Variants in PTPRM observed in about 807,000 individuals in gnomAD.
PTPRM encodes receptor-type tyrosine-protein phosphatase mu.
PTPRM carries 47 observed loss-of-function variants against 186.7 expected under a neutral mutation model. That is an observed-to-expected ratio of 0.25 (90% confidence interval 0.20 to 0.32). The LOEUF (loss-of-function observed/expected upper bound fraction) is 0.32. PTPRM is among the 10% of genes least tolerant of loss of function. The pLI, the probability that PTPRM is intolerant of heterozygous loss-of-function variation, is 1.00. For synonymous variants in PTPRM, 668 were observed against 674.9 expected (o/e 0.99, Z 0.16); for missense variants, 1,494 against 1,865.0 (o/e 0.80, Z 3.66).
intron 2 of PTPRM, among the ~76,000 whole-genome samples, chr18:7,870,217 G>A (rs548454349): frequency 6.6e-6 from 1 of 152,224 alleles, no homozygotes; most frequent in East Asian, 1.9e-4. Flanking sequence ...GTAAGTTAAG[G>A]CCATGTTGAA....
intron 4 of PTPRM, among the ~76,000 whole-genome samples, chr18:7,917,178 T>C (rs1312929712): frequency 6.6e-6 from 1 of 152,210 alleles, no homozygotes; most frequent in African/African-American, 2.4e-5. Flanking sequence ...TGAATTGTTA[T>C]AAGCTTTTAT....
intron 1 of PTPRM, among the ~76,000 whole-genome samples, chr18:7,761,132 G>C (rs770611888): frequency 7.9e-5 from 12 of 152,150 alleles, no homozygotes; most frequent in Non-Finnish European, 1.8e-4. Context: ...CAACTAATTG[G>C]TCATGGAAAA....
chr18:7,651,214 C>T (rs549153491), intron 1 of PTPRM, among the ~76,000 whole-genome samples: 12 of 152,168 alleles, frequency 7.9e-5, no homozygotes, highest in East Asian at 3.9e-4. Flanking sequence ...TTAGCCACCG[C>T]GCCTGACCAA....
chr18:8,372,302 C>T (rs2095668225), intron 24 of PTPRM, among the ~76,000 whole-genome samples: 1 of 143,654 alleles, frequency 7.0e-6, no homozygotes, highest in African/African-American at 2.7e-5. Flanking sequence ...TCTCGATCTC[C>T]TGACCTCATG....
intron 13 of PTPRM, among the ~76,000 whole-genome samples, chr18:8,136,952 T>A (rs1424938574): frequency 1.3e-5 from 2 of 152,212 alleles, no homozygotes; most frequent in East Asian, 3.8e-4. Flanking sequence ...AAAGGAAAAT[T>A]AATTAAAATA....
At chr18:8,011,657 G>C (rs557056578) in intron 7 of PTPRM, among the ~76,000 whole-genome samples, 1 of 152,254 alleles carries the variant, frequency 6.6e-6, no homozygotes, top group South Asian at 2.1e-4. Flanking sequence ...CAATGCAAAG[G>C]CAGACTTTAG....
intron 14 of PTPRM, among the ~76,000 whole-genome samples, chr18:8,188,253 G>T (rs1360631053): frequency 6.6e-6 from 1 of 152,202 alleles, no homozygotes; most frequent in African/African-American, 2.4e-5. Flanking sequence ...ATACCATGTA[G>T]TCAGAGGAAA....
intron 1 of PTPRM, among the ~76,000 whole-genome samples, chr18:7,726,292 C>A (rs1376368877): frequency 6.6e-6 from 1 of 152,120 alleles, no homozygotes; most frequent in Non-Finnish European, 1.5e-5. Context: ...TATCTTCTTT[C>A]AAAAACGTTT....
chr18:7,984,976 TATAC>T, intron 7 of PTPRM, among the ~76,000 whole-genome samples: 1 of 125,310 alleles, frequency 8.0e-6, no homozygotes, highest in South Asian at 2.3e-4. Flanking sequence ...TATAATTATA[TATAC>T]ATATAATTAT....
At chr18:8,182,962 C>T (rs575353405) in intron 14 of PTPRM, among the ~76,000 whole-genome samples, 3 of 152,106 alleles carry the variant, frequency 2.0e-5, no homozygotes, top group Non-Finnish European at 4.4e-5. Flanking sequence ...TTTCATAGCC[C>T]ATTGTTTTTC....
chr18:8,084,106 A>G (rs530094312), intron 9 of PTPRM, among the ~76,000 whole-genome samples: 1 of 152,274 alleles, frequency 6.6e-6, no homozygotes, highest in African/African-American at 2.4e-5. Flanking sequence ...TTCCCCTACC[A>G]GACTGATACC....
chr18:7,623,915 G>C lies in PTPRM; in HGVS notation c.73+56024G>C, dbSNP rs188020196. On this transcript the variant is annotated intron_variant, in intron 1 of 32. Transcript: ENST00000580170. ...AACCCCAGCTCTTTCTTGCTGCACT[G>C]TTCTGCCTTGGGCACACTTGGAGTG... Among the ~76,000 whole-genome samples, 72 of 152,262 alleles carry C rather than the reference G, an allele frequency of 4.7e-4. No homozygotes were observed. In the East Asian group the frequency reaches 7.2e-3, roughly 15 times the overall value.
At chr18:7,625,818 A>C (rs1361360741) in intron 1 of PTPRM, among the ~76,000 whole-genome samples, 1 of 152,220 alleles carries the variant, frequency 6.6e-6, no homozygotes, top group Non-Finnish European at 1.5e-5. Flanking sequence ...TACAGGCGTG[A>C]GCAACAGCGC....
Position 7,955,257 on chromosome 18 carries a change from G to C in PTPRM, c.975G>C (p.Gly325=), listed in dbSNP as rs774381512. The change falls in exon 7 of 33, where the codon GGG becomes GGC. Residue 325 remains glycine (G), a synonymous_variant. Transcript: ENST00000580170. ...AREVEYCTAS[G]SWNDRQPVDS... ...AGGTGGAGTACTGCACGGCCAGTGGGAGCTGGAATGACCGGCAGCCAGTCG... is the reference window on the plus strand; with the variant it reads ...AGGTGGAGTACTGCACGGCCAGTGGCAGCTGGAATGACCGGCAGCCAGTCG... The C allele has an allele frequency of 1.2e-5, 20 of 1,614,008 alleles. No homozygotes were observed. The highest frequency in any genetic ancestry group is 1.3e-5 in the African/African-American group (1 of 74,924).
At chr18:8,201,202 G>A (rs1261648682) in intron 14 of PTPRM, among the ~76,000 whole-genome samples, 1 of 152,172 alleles carries the variant, frequency 6.6e-6, no homozygotes, top group Admixed American at 6.5e-5. Flanking sequence ...TGTAGCCCCA[G>A]CTACTCGGGA....
At chr18:8,146,839 A>G (rs2092898907) in intron 14 of PTPRM, among the ~76,000 whole-genome samples, 1 of 152,138 alleles carries the variant, frequency 6.6e-6, no homozygotes, top group Non-Finnish European at 1.5e-5. Context: ...ATCAGGTGTA[A>G]GGAAGGGGTC....
At chr18:8,326,747 T>C (rs2095379729) in intron 22 of PTPRM, among the ~76,000 whole-genome samples, 1 of 152,176 alleles carries the variant, frequency 6.6e-6, no homozygotes, top group Non-Finnish European at 1.5e-5. Flanking sequence ...GCTAGCCATA[T>C]GCAGAAGATT....
chr18:7,743,321 G>T (rs1007475246), intron 1 of PTPRM, among the ~76,000 whole-genome samples: 1 of 152,202 alleles, frequency 6.6e-6, no homozygotes, highest in Non-Finnish European at 1.5e-5. Context: ...TTGCTACAGT[G>T]TATCATGTTA....
rs370746043 is a variant in PTPRM, at chr18:7,842,947, T to TATATATAGAGAGAGAGAGAG, written c.197-45158_197-45157insTATATAGAGAGAGAGAGAGA. Among the ~76,000 whole-genome samples the TATATATAGAGAGAGAGAGAG allele has an allele frequency of 5.8e-4, 65 of 112,112 alleles. 1 individual carries two copies. The highest frequency in any genetic ancestry group is 2.4e-3 in the African/African-American group (58 of 23,786). The allele number at this position is 112,112 out of a possible 152,430, so 73.5% of individuals were successfully genotyped here. On this transcript the variant is annotated intron_variant, in intron 2 of 32. Transcript: ENST00000580170. ...GTGTGTGTGTATATATATATATATA[T>TATATATAGAGAGAGAGAGAG]AGAGAGAGAGAGAGAGAGAGAGAGA...
Sources: allele counts gnomAD v4.1 joint callset (sites outside exome capture counted in the v4.1 genomes callset), GRCh38; gene constraint gnomAD v4.1.1; transcripts MANE v1.5; gene names NCBI Gene and HGNC (gene_info 2026-07-23, HGNC 2026-07-21).